The following CACNA1H variants were observed in gnomAD, a reference collection of about 807,000 sequenced individuals.
CACNA1H encodes the protein calcium voltage-gated channel subunit alpha1 H.
A neutral mutation model predicts 192.5 loss-of-function variants in CACNA1H; 149 were observed. The observed-to-expected ratio is 0.77, with a 90% CI of 0.68 to 0.89. CACNA1H has a LOEUF of 0.89. Among genes scored for constraint, CACNA1H ranks in the 40% least tolerant of loss-of-function variants. The pLI, the probability that CACNA1H is intolerant of heterozygous loss-of-function variation, is 0.00. For synonymous variants in CACNA1H, 2,202 were observed against 1,475.2 expected, an observed-to-expected ratio of 1.49 and a Z score of -11.29; for missense variants, 4,257 against 3,423.5, an observed-to-expected ratio of 1.24 and a Z score of -6.08.
intron 9 of CACNA1H, 140 bp from the exon 10 acceptor site, chr16:1,203,870 A>C (rs1286238080): frequency 9.7e-6 from 6 of 619,558 alleles, no homozygotes; most frequent in Non-Finnish European, 1.7e-5. Flanking sequence ...AAGTCCAGTC[A>C]CAGGTTCTGG....
Position 1,201,909 on chromosome 16 carries a change from C to T in CACNA1H, c.1459C>T (p.Arg487Cys), listed in dbSNP as rs907429190. Residue 487 changes from arginine to cysteine, a missense_variant, in exon 9 of 35, where the codon CGC becomes TGC. Transcript: ENST00000348261. ...RLYARWQSRW[R>C]KKVDPSAVQG... ...CTACGCCCGCTGGCAGAGCCGCTGG[C>T]GCAAGAAGGTGGACCCCAGTGCTGT... 1.0e-5 allele frequency: 16 copies of T among 1,550,344 alleles called. No homozygotes were observed. Among genetic ancestry groups the T allele is most frequent in the East Asian group, 9.8e-5 (4 of 40,922 alleles).
intron 2 of CACNA1H, among the ~76,000 whole-genome samples, chr16:1,175,611 C>G (rs955750863): frequency 1.2e-4 from 19 of 152,212 alleles, no homozygotes; most frequent in African/African-American, 4.6e-4. Context: ...GACAGCTGGC[C>G]CCGTCCATTT....
chr16:1,186,588 CCCT>C (rs1966086079), intron 2 of CACNA1H, among the ~76,000 whole-genome samples: 1 of 152,104 alleles, frequency 6.6e-6, no homozygotes, highest in African/African-American at 2.4e-5. Context: ...ACACACATGC[CCCT>C]CGAGATGGCC....
At chr16:1,198,399 T>TGTCA (rs1967255520) in intron 5 of CACNA1H, among the ~76,000 whole-genome samples, 3 of 152,026 alleles carry the variant, frequency 2.0e-5, no homozygotes. Context: ...GACCCCAGGG[T>TGTCA]GTCAGTGTCC....
At chr16:1,183,821 TC>T (rs1965717441) in intron 2 of CACNA1H, among the ~76,000 whole-genome samples, 1 of 152,246 alleles carries the variant, frequency 6.6e-6, no homozygotes, top group Non-Finnish European at 1.5e-5. Context: ...GTCTGTCCCG[TC>T]CCACCTGCTG....
chr16:1,195,231 C>A (rs1244043524), intron 3 of CACNA1H, 148 bp downstream of exon 3: 14 of 502,188 alleles, frequency 2.8e-5, no homozygotes, highest in South Asian at 1.2e-4. Context: ...CACGGCGGGG[C>A]GCGAGGTGGG....
intron 34 of CACNA1H, 98 bp downstream of exon 34, chr16:1,219,228 C>T: frequency 8.0e-7 from 1 of 1,251,442 alleles, no homozygotes; most frequent in Non-Finnish European, 1.1e-6. Context: ...GAGGACAAGG[C>T]AGGAGGAGGG....
intron 2 of CACNA1H, among the ~76,000 whole-genome samples, chr16:1,192,353 C>T (rs373003937): frequency 7.2e-4 from 110 of 152,340 alleles, no homozygotes; most frequent in African/African-American, 1.6e-3. Flanking sequence ...CCCTGCCAGC[C>T]CCTCTGCCGT....
At chr16:1,182,539 G>A (rs1268495050) in intron 2 of CACNA1H, among the ~76,000 whole-genome samples, 1 of 152,130 alleles carries the variant, frequency 6.6e-6, no homozygotes. Flanking sequence ...TGCTGCCCGG[G>A]CTCCCCACCC....
Position 1,221,698 on chromosome 16 carries a change from A to T in CACNA1H, c.*704A>T. On this transcript the variant is annotated 3_prime_UTR_variant, in exon 35 of 35. Transcript: ENST00000348261. ...TCAGGTTAAATGTTGCAATAATCTG[A>T]TGCAGAAGACTCAGCTTCTCAAGGG... 7.9e-7 allele frequency: 1 copy of T among 1,267,986 alleles called. No homozygotes were observed. The highest frequency in any genetic ancestry group is 1.1e-6 in the Non-Finnish European group (1 of 928,564). The allele number at this position is 1,267,986 out of a possible 1,614,324, so 78.5% of individuals were successfully genotyped here.
At chr16:1,203,939 T>C in intron 9 of CACNA1H, 71 bp from the exon 10 acceptor site, 2 of 1,171,756 alleles carry the variant, frequency 1.7e-6, no homozygotes, top group South Asian at 3.1e-5. Context: ...CGCTCCTGTG[T>C]GTGAGGGTTC....
At chr16:1,175,231 A>C (rs1488380085) in intron 2 of CACNA1H, among the ~76,000 whole-genome samples, 2 of 152,078 alleles carry the variant, frequency 1.3e-5, no homozygotes, top group Non-Finnish European at 2.9e-5. Context: ...CACAGCCCTT[A>C]TGTGGTGTGA....
rs1265393669 is a variant in CACNA1H, at chr16:1,207,344, C to T, written c.2977C>T (p.Leu993Phe). ...GGCCTCCACCTCCTCCTGGGCCGCCCTCTACTTCGTGGCCCTCATGACCTT... is the reference window on the plus strand; with the variant it reads ...GGCCTCCACCTCCTCCTGGGCCGCCTTCTACTTCGTGGCCCTCATGACCTT... ...GMASTSSWAALYFVALMTFGN... is the reference protein window; with the variant it reads ...GMASTSSWAAFYFVALMTFGN... The change falls in exon 14 of 35, where the codon CTC (leucine) becomes TTC (phenylalanine). Residue 993 changes from leucine (L) to phenylalanine (F), a missense_variant. Transcript: ENST00000348261. 5 of 1,612,732 alleles carry T rather than the reference C, an allele frequency of 3.1e-6. No individual in the cohort carries two copies. Among genetic ancestry groups the T allele is most frequent in the Admixed American group, 1.7e-5 (1 of 59,940 alleles).
chr16:1,211,775 C>CG lies in CACNA1H; in HGVS notation c.4539dup (p.Leu1514AlafsTer127). 1 of 1,612,722 alleles carries CG rather than the reference C, an allele frequency of 6.2e-7. No individual in the cohort carries two copies. The highest frequency in any genetic ancestry group is 8.5e-7 in the Non-Finnish European group (1 of 1,179,740). Reference sequence around the variant, plus strand: ...ATGGATGGGTGAACATCATGTACGACGGGCTGGATGCCGTGGGTGTCGACC... The same window carrying CG: ...ATGGATGGGTGAACATCATGTACGACGGGGCTGGATGCCGTGGGTGTCGACC... On this transcript the variant is annotated frameshift_variant, in exon 24 of 35. Coordinates refer to ENST00000348261, the MANE Select transcript of CACNA1H (RefSeq NM_021098.3). LOFTEE classifies it high-confidence loss of function.
chr16:1,218,172 G>A (rs753759724), intron 32 of CACNA1H, 38 bp from the exon 33 acceptor site: 5 of 1,537,658 alleles, frequency 3.3e-6, no homozygotes, highest in Non-Finnish European at 4.4e-6. Flanking sequence ...ACCCGCGGGT[G>A]GGTGTGGACC....
chr16:1,160,074 TGCTGGCTGAGTCCAAGCCACGGTC>T (rs1317564669), intron 2 of CACNA1H: 1 of 152,344 alleles, frequency 6.6e-6, no homozygotes, highest in African/African-American at 2.4e-5. Flanking sequence ...ACAGCAGCTC[TGCTGGCTGAGTCCAAGCCACGGTC>T]GCACAGTCAA....
chr16:1,201,123 G>A (rs1344791375), intron 8 of CACNA1H, among the ~76,000 whole-genome samples: 1 of 152,142 alleles, frequency 6.6e-6, no homozygotes, highest in African/African-American at 2.4e-5. Context: ...TCCTTAGCTG[G>A]TCCTCTCATA....
Position 1,195,500 on chromosome 16 carries a change from G to T in CACNA1H, c.480G>T (p.Leu160=), listed in dbSNP as rs757136301. Residue 160 remains leucine, a synonymous_variant, in exon 4 of 35, where the codon CTG becomes CTT. Coordinates refer to ENST00000348261, the MANE Select transcript of CACNA1H (RefSeq NM_021098.3). ...EMVIKMVALG[L]FGQKCYLGDT... is the part of the protein sequence containing the mutation. Reference sequence around the variant, plus strand: ...TCATCAAGATGGTGGCCTTGGGGCTGTTCGGGCAGAAGTGTTACCTGGGTG... The same window carrying T: ...TCATCAAGATGGTGGCCTTGGGGCTTTTCGGGCAGAAGTGTTACCTGGGTG... 6.3e-7 allele frequency: 1 copy of T among 1,599,972 alleles called. No homozygotes were observed. The highest frequency in any genetic ancestry group is 8.5e-7 in the Non-Finnish European group (1 of 1,173,396).
rs199700639 is a variant in CACNA1H, at chr16:1,200,854, C to T, written c.1212+46C>T. ...TCGCCATGATGGGCCCTGGTGTTAG[C>T]TGGCTGGGGGTGGGGTGGGGTACCT... On this transcript the variant is annotated intron_variant, in intron 8 of 34. Transcript: ENST00000348261. 92 of 1,363,058 alleles carry T rather than the reference C, an allele frequency of 6.7e-5. 1 individual carries two copies. Among genetic ancestry groups the T allele is most frequent in the South Asian group, 6.5e-4 (53 of 81,382 alleles). The allele number at this position is 1,363,058 out of a possible 1,614,324, so 84.4% of individuals were successfully genotyped here. A position where few individuals can be genotyped will look rare whatever the true frequency, so the allele number is the denominator to read the frequency against.
Sources: allele counts gnomAD v4.1 joint callset (sites outside exome capture counted in the v4.1 genomes callset), GRCh38; gene constraint gnomAD v4.1.1; transcripts MANE v1.5; gene names NCBI Gene and HGNC (gene_info 2026-07-23, HGNC 2026-07-21).